Variants in ROBO2 observed in about 807,000 individuals in gnomAD.
The protein encoded by ROBO2 is roundabout homolog 2.
ROBO2 carries 53 observed loss-of-function variants against 160.8 expected under a neutral mutation model. That is an observed-to-expected ratio of 0.33 (90% CI 0.26 to 0.41). The LOEUF is 0.41. Ranked by LOEUF, ROBO2 falls within the 10% of genes least tolerant of loss-of-function variation. The probability of loss-of-function intolerance (pLI) is 1.00; values close to 1 mark genes in which losing one functional copy is unlikely to be tolerated. For synonymous variants in ROBO2, 664 were observed against 611.7 expected, an observed-to-expected ratio of 1.09 and a Z score of -1.26; for missense variants, 1,577 against 1,722.4, an observed-to-expected ratio of 0.92 and a Z score of 1.49.
At chr3:77,450,534 G>A in intron 2 of ROBO2, among the ~76,000 whole-genome samples, 1 of 151,934 alleles carries the variant, frequency 6.6e-6, no homozygotes, top group African/African-American at 2.4e-5. Context: ...AGATACCCAA[G>A]AATGGTAATT....
chr3:76,323,138 T>TACAC (rs71874425), intron 2 of ROBO2, among the ~76,000 whole-genome samples: 8,444 of 143,830 alleles, frequency 0.059, 258 homozygotes, highest in Middle Eastern at 0.099. Flanking sequence ...TTGTTAGTAT[T>TACAC]ACACACACAC....
chr3:77,486,876 C>G (rs1426129262), intron 4 of ROBO2, among the ~76,000 whole-genome samples: 1 of 152,018 alleles, frequency 6.6e-6, no homozygotes, highest in Non-Finnish European at 1.5e-5. Flanking sequence ...TGTTCTTTGT[C>G]TTTTCGCTGG....
chr3:77,460,684 A>T (rs990427574), intron 2 of ROBO2, among the ~76,000 whole-genome samples: 1 of 152,196 alleles, frequency 6.6e-6, no homozygotes, highest in African/African-American at 2.4e-5. Context: ...TGATTTCATT[A>T]TGTAGGAATT....
chr3:75,962,340 T>G (rs1360681447), intron 2 of ROBO2, among the ~76,000 whole-genome samples: 2 of 151,784 alleles, frequency 1.3e-5, no homozygotes, highest in Non-Finnish European at 2.9e-5. Context: ...GTGCATAGGA[T>G]TTATATGTAA....
intron 2 of ROBO2, among the ~76,000 whole-genome samples, chr3:76,471,402 G>C (rs2078648831): frequency 1.3e-5 from 2 of 152,140 alleles, no homozygotes. Flanking sequence ...TCAACAATAA[G>C]CTGTGAATTA....
intron 2 of ROBO2, among the ~76,000 whole-genome samples, chr3:76,603,351 A>AATATATATATATATAT (rs71104603): frequency 1.5e-4 from 4 of 26,406 alleles, no homozygotes; most frequent in Non-Finnish European, 2.3e-4. Context: ...AAAAAAAAAA[A>AATATATATATATATAT]ATATATATAT....
chr3:76,647,135 G>A (rs2091010665), intron 2 of ROBO2, among the ~76,000 whole-genome samples: 1 of 152,190 alleles, frequency 6.6e-6, no homozygotes, highest in Non-Finnish European at 1.5e-5. Context: ...TTAGGTCAGA[G>A]TAGGGGTCGC....
intron 2 of ROBO2, among the ~76,000 whole-genome samples, chr3:77,250,989 G>T (rs181986335): frequency 2.0e-5 from 3 of 151,994 alleles, no homozygotes; most frequent in South Asian, 2.1e-4. Context: ...TTCACCCCTG[G>T]CTCTCCAGGG....
At chr3:76,102,290 A>G (rs2069728504) in intron 2 of ROBO2, among the ~76,000 whole-genome samples, 1 of 152,198 alleles carries the variant, frequency 6.6e-6, no homozygotes, top group South Asian at 2.1e-4. Flanking sequence ...TTGAAGGATA[A>G]CATTTGGATA....
chr3:76,305,567 T>C (rs530902739), intron 2 of ROBO2, among the ~76,000 whole-genome samples: 1 of 151,906 alleles, frequency 6.6e-6, no homozygotes, highest in African/African-American at 2.4e-5. Flanking sequence ...AAGACCAGCC[T>C]AGCCACCATG....
intron 24 of ROBO2, among the ~76,000 whole-genome samples, chr3:77,641,330 C>A (rs2095347564): frequency 6.6e-6 from 1 of 152,168 alleles, no homozygotes; most frequent in Non-Finnish European, 1.5e-5. Flanking sequence ...AGGAGATGCT[C>A]CAGAGACCAA....
At chr3:77,259,804 T>C (rs573586096) in intron 2 of ROBO2, among the ~76,000 whole-genome samples, 26 of 152,354 alleles carry the variant, frequency 1.7e-4, no homozygotes, top group Admixed American at 2.6e-4. Flanking sequence ...GACCCCAACC[T>C]CTAGCTGTTC....
At chr3:77,507,476 A>C (rs1002094462) in intron 5 of ROBO2, among the ~76,000 whole-genome samples, 2 of 152,168 alleles carry the variant, frequency 1.3e-5, no homozygotes, top group East Asian at 1.9e-4. Flanking sequence ...CTTCTTGCAC[A>C]CAGAAGACTG....
At chr3:75,930,071 T>C (rs1192909929) in intron 1 of ROBO2, among the ~76,000 whole-genome samples, 1 of 152,232 alleles carries the variant, frequency 6.6e-6, no homozygotes, top group East Asian at 1.9e-4. Flanking sequence ...TTTTAGTGGC[T>C]CAGCATTCAC....
At chr3:76,291,094 T>G (rs1048694119) in intron 2 of ROBO2, among the ~76,000 whole-genome samples, 10 of 152,206 alleles carry the variant, frequency 6.6e-5, no homozygotes, top group African/African-American at 2.4e-4. Flanking sequence ...CTCAATTTTC[T>G]TGAAATAGTT....
chr3:76,576,053 G>C (rs1180384849), intron 2 of ROBO2, among the ~76,000 whole-genome samples: 1 of 151,852 alleles, frequency 6.6e-6, no homozygotes, highest in East Asian at 1.9e-4. Flanking sequence ...GAATCTGATT[G>C]GAATTTCACC....
chr3:76,855,870 GA>G (rs929211056), intron 2 of ROBO2, among the ~76,000 whole-genome samples: 5 of 151,932 alleles, frequency 3.3e-5, no homozygotes, highest in Admixed American at 6.6e-5. Context: ...GTATGAGCCA[GA>G]AAAAAAATGA....
intron 1 of ROBO2, among the ~76,000 whole-genome samples, chr3:75,909,217 C>T (rs1946465221): frequency 6.6e-6 from 1 of 152,072 alleles, no homozygotes; most frequent in Non-Finnish European, 1.5e-5. Context: ...CAGCCTTTTT[C>T]CTCCTTTTCT....
intron 2 of ROBO2, among the ~76,000 whole-genome samples, chr3:76,742,058 G>A (rs1437550289): frequency 1.3e-5 from 2 of 152,004 alleles, no homozygotes; most frequent in Non-Finnish European, 2.9e-5. Flanking sequence ...GCTAATAAAT[G>A]AGTGAAAAAT....
Sources: gnomAD v4.1 joint callset for allele counts (sites outside exome capture counted in the v4.1 genomes callset) on GRCh38, gnomAD v4.1.1 for gene constraint, MANE v1.5 for transcripts, NCBI Gene and HGNC (gene_info 2026-07-23, HGNC 2026-07-21) for gene names.